Variants in PRKG1 observed in about 807,000 individuals in gnomAD.
PRKG1 encodes protein kinase cGMP-dependent 1.
A neutral mutation model predicts 88.1 loss-of-function variants in PRKG1; 35 were observed. The ratio of observed to expected loss-of-function variants is 0.40; its 90% CI spans 0.30 to 0.53. The LOEUF is 0.53. Among genes scored for constraint, PRKG1 ranks in the 20% least tolerant of loss-of-function variants. PRKG1 has a pLI of 0.59. For missense variants in PRKG1, 540 were observed against 839.8 expected, an observed-to-expected ratio of 0.64 and a Z score of 4.41; for synonymous variants, 303 against 292.5, an observed-to-expected ratio of 1.04 and a Z score of -0.37.
chr10:52,035,501 G>A (rs1013315264), intron 5 of PRKG1, among the ~76,000 whole-genome samples: 1 of 152,144 alleles, frequency 6.6e-6, no homozygotes, highest in Non-Finnish European at 1.5e-5. Context: ...TAGGCCTGGT[G>A]GAACCGCCAA....
At chr10:51,019,398 G>T (rs577138069) in intron 1 of PRKG1, among the ~76,000 whole-genome samples, 49 of 152,182 alleles carry the variant, frequency 3.2e-4, no homozygotes, top group African/African-American at 1.1e-3. Context: ...ATGGGGAAAG[G>T]ACAATCTTTT....
chr10:51,299,268 C>A (rs542976027), intron 2 of PRKG1, among the ~76,000 whole-genome samples: 3 of 151,728 alleles, frequency 2.0e-5, no homozygotes, highest in Admixed American at 2.0e-4. Flanking sequence ...TGCAGTGGTA[C>A]GATCTCGGCT....
chr10:51,073,749 C>T (rs1843872460), upstream of PRKG1, among the ~76,000 whole-genome samples: 1 of 152,130 alleles, frequency 6.6e-6, no homozygotes, highest in Admixed American at 6.5e-5. Context: ...AACCCTTTCC[C>T]AAAGGTAGTA....
chr10:52,135,036 C>T (rs912867821), intron 8 of PRKG1, among the ~76,000 whole-genome samples: 1 of 152,062 alleles, frequency 6.6e-6, no homozygotes, highest in Non-Finnish European at 1.5e-5. Flanking sequence ...TTCAAAGGAG[C>T]AGCACAGATG....
intron 5 of PRKG1, among the ~76,000 whole-genome samples, chr10:51,953,781 G>A (rs1385206099): frequency 6.6e-6 from 1 of 151,970 alleles, no homozygotes; most frequent in African/African-American, 2.4e-5. Flanking sequence ...GTACTTCTCA[G>A]TTGTTTGGCC....
rs569782883 is a variant in PRKG1, at chr10:51,433,650, G to A, written c.479-34073G>A. 7.9e-5 allele frequency among the ~76,000 whole-genome samples: 12 copies of A among 152,194 alleles called. No individual in the cohort carries two copies. In the East Asian group the frequency reaches 9.7e-4, roughly 12 times the overall value. On this transcript the variant is annotated intron_variant, in intron 2 of 17. Coordinates refer to ENST00000373980, the MANE Select transcript of PRKG1 (RefSeq NM_006258.4). ...ATAGGGGCCTTTTAGTGATCTACACGTCCCACCGTGTGGGTGGTGAGCATA... is the reference window on the plus strand; with the variant it reads ...ATAGGGGCCTTTTAGTGATCTACACATCCCACCGTGTGGGTGGTGAGCATA...
chr10:51,715,897 C>T (rs1841873945), intron 3 of PRKG1, among the ~76,000 whole-genome samples: 1 of 152,178 alleles, frequency 6.6e-6, no homozygotes, highest in Non-Finnish European at 1.5e-5. Context: ...TTTCCCAGGC[C>T]TTTCCAAGCT....
intron 3 of PRKG1, among the ~76,000 whole-genome samples, chr10:51,767,679 G>C (rs764846457): frequency 2.0e-5 from 3 of 151,932 alleles, no homozygotes; most frequent in Admixed American, 2.0e-4. Context: ...GACCTCCAAA[G>C]CTCATGAAAG....
chr10:51,699,590 G>T, intron 3 of PRKG1: 1 of 1,568,598 alleles, frequency 6.4e-7, no homozygotes, highest in Non-Finnish European at 8.6e-7. Context: ...ATTCTTCGAG[G>T]CGTCTGTCCT....
rs1838994152 is a variant in PRKG1 at position 51,795,773 on chromosome 10, A to G, written c.593-8812A>G. Among the ~76,000 whole-genome samples the G allele has an allele frequency of 1.3e-5, 2 of 152,094 alleles. 1 individual carries two copies. The highest frequency in any genetic ancestry group is 4.1e-4 in the South Asian group (2 of 4,820). ...GAGCTGATATTCTTTAATGGTAAAC[A>G]TGAAGTAGGAGAAAAAGCTAATCAT... On this transcript the variant is annotated intron_variant, in intron 3 of 17. Transcript: ENST00000373980.
At chr10:52,158,847 A>G (rs1838197806) in intron 8 of PRKG1, among the ~76,000 whole-genome samples, 1 of 151,466 alleles carries the variant, frequency 6.6e-6, no homozygotes, top group African/African-American at 2.4e-5. Context: ...CTATATATTT[A>G]TAATATAGAG....
Position 51,383,981 on chromosome 10 carries a change from G to A in PRKG1, c.479-83742G>A, listed in dbSNP as rs919202930. The stretch of plus-strand genomic sequence containing the variant: ...AAGCAAAGAGCAGTAAAGGGTAAGA[G>A]AGCAATGGCTTGTAAATGAGGTACA... On this transcript the variant is annotated intron_variant, in intron 2 of 17. Coordinates refer to ENST00000373980, the MANE Select transcript of PRKG1 (RefSeq NM_006258.4). Among the ~76,000 whole-genome samples, 6 of 152,060 alleles carry A rather than the reference G, an allele frequency of 3.9e-5. No homozygotes were observed. In the South Asian group the frequency reaches 1.2e-3, roughly 32 times the overall value.
At chr10:51,670,400 AT>A (rs906507280) in intron 3 of PRKG1, among the ~76,000 whole-genome samples, 6 of 149,256 alleles carry the variant, frequency 4.0e-5, no homozygotes, top group Middle Eastern at 3.4e-3. Context: ...ATTTTTCTTT[AT>A]TTTTTTTTCC....
At chr10:51,168,325 C>G (rs562786150) in intron 2 of PRKG1, among the ~76,000 whole-genome samples, 26 of 152,196 alleles carry the variant, frequency 1.7e-4, no homozygotes, top group Middle Eastern at 3.4e-3. Flanking sequence ...TTCTGTTAAG[C>G]TAGACATCAA....
intron 5 of PRKG1, among the ~76,000 whole-genome samples, chr10:51,959,167 ATGAC>A (rs1465931112): frequency 6.6e-6 from 1 of 152,198 alleles, no homozygotes; most frequent in Non-Finnish European, 1.5e-5. Context: ...TTAAAGATGA[ATGAC>A]AGGCTCTTCT....
At chr10:51,856,856 C>G (rs553493288) in intron 4 of PRKG1, among the ~76,000 whole-genome samples, 1 of 150,702 alleles carries the variant, frequency 6.6e-6, no homozygotes, top group Admixed American at 6.6e-5. Flanking sequence ...CCCAGCTGCT[C>G]GGGAGGCTGA....
chr10:51,350,684 A>T (rs1023225693), intron 2 of PRKG1, among the ~76,000 whole-genome samples: 1 of 152,166 alleles, frequency 6.6e-6, no homozygotes, highest in African/African-American at 2.4e-5. Context: ...AAACCTAAAG[A>T]CTCTACAAGA....
chr10:52,095,095 C>T (rs1249569655), intron 7 of PRKG1, among the ~76,000 whole-genome samples: 1 of 152,186 alleles, frequency 6.6e-6, no homozygotes, highest in East Asian at 1.9e-4. Flanking sequence ...CTATCTGCAC[C>T]TCTGCCCCTG....
intron 9 of PRKG1, among the ~76,000 whole-genome samples, chr10:52,249,944 A>G (rs1194511): frequency 6.6e-6 from 1 of 152,138 alleles, no homozygotes; most frequent in African/African-American, 2.4e-5. Context: ...GATCTCATTA[A>G]GGATTTAATT....
Sources: gnomAD v4.1 joint callset for allele counts (sites outside exome capture counted in the v4.1 genomes callset) on GRCh38, gnomAD v4.1.1 for gene constraint, MANE v1.5 for transcripts, NCBI Gene and HGNC (gene_info 2026-07-23, HGNC 2026-07-21) for gene names.